The following APPL2 variants were observed in gnomAD, a reference collection of about 807,000 sequenced individuals.
APPL2 encodes the protein adaptor protein, phosphotyrosine interacting with PH domain and leucine zipper 2.
APPL2 carries 84 observed loss-of-function variants against 92.7 expected under a neutral mutation model. The observed-to-expected ratio is 0.91, with a 90% confidence interval of 0.76 to 1.09. The LOEUF is 1.09. Ranked by LOEUF, APPL2 falls within the 50% of genes least tolerant of loss-of-function variation. The pLI, the probability that APPL2 is intolerant of heterozygous loss-of-function variation, is 0.00. For synonymous variants in APPL2, 291 were observed against 291.0 expected, an observed-to-expected ratio of 1.00 and a Z score of 0.00; for missense variants, 736 against 824.5, an observed-to-expected ratio of 0.89 and a Z score of 1.31.
chr12:105,218,627 G>A (rs892252108), intron 2 of APPL2, among the ~76,000 whole-genome samples: 4 of 152,310 alleles, frequency 2.6e-5, no homozygotes, highest in Non-Finnish European at 5.9e-5. Context: ...AGAGCTGTGC[G>A]CTTGGAGGTG....
intron 4 of APPL2, among the ~76,000 whole-genome samples, chr12:105,213,851 G>T (rs1889420461): frequency 1.3e-5 from 2 of 152,154 alleles, no homozygotes. Flanking sequence ...AAAACTCCTT[G>T]CAGAGCTAAC....
At chr12:105,182,951 A>G (rs1173381058) in intron 17 of APPL2, among the ~76,000 whole-genome samples, 1 of 151,594 alleles carries the variant, frequency 6.6e-6, no homozygotes, top group Non-Finnish European at 1.5e-5. Context: ...TTGGGTATAT[A>G]TATATTTAGG....
At chr12:105,200,848 GTATGTATGTATGTATGTATC>G (rs1212850076) in intron 9 of APPL2, among the ~76,000 whole-genome samples, 3 of 130,238 alleles carry the variant, frequency 2.3e-5, no homozygotes, top group African/African-American at 9.5e-5. Context: ...ATGTATGTAT[GTATGTATGTATGTATGTATC>G]TATCTATCTA....
chr12:105,212,043 C>T lies in APPL2; in HGVS notation c.286-726G>A, dbSNP rs571893220. 1.1e-4 allele frequency among the ~76,000 whole-genome samples: 15 copies of T among 132,948 alleles called. 1 individual carries two copies. The highest frequency in any genetic ancestry group is 1.0e-3 in the Admixed American group (11 of 11,008). 87.2% of individuals were successfully genotyped at this position (132,948 alleles called of 152,430 possible). A position where few individuals can be genotyped will look rare whatever the true frequency, so the allele number is the denominator to read the frequency against. On this transcript the variant is annotated intron_variant, in intron 4 of 20. Coordinates refer to ENST00000258530, the MANE Select transcript of APPL2 (RefSeq NM_018171.5). ...CTGAGGCAGGAGAATGGTGTGAACC[C>T]GGGAGGTGGAGCTTGCAGTGAGCCG...
In APPL2 at chr12:105,199,371, A is replaced by C. The variant is rs551405343; in HGVS notation, c.863+2T>G. The stretch of plus-strand genomic sequence containing the variant: ...AAAAGAGGCAGACGGTGGCGTTCTC[A>C]CTTTCTAAGATTAAGGTAACCAGCC... On this transcript the variant is annotated splice_donor_variant, in intron 10 of 20. Coordinates refer to ENST00000258530, the MANE Select transcript of APPL2 (RefSeq NM_018171.5). LOFTEE classifies it high-confidence loss of function. 1.2e-6 allele frequency: 2 copies of C among 1,607,040 alleles called. No homozygotes were observed. Among genetic ancestry groups the C allele is most frequent in the Non-Finnish European group, 8.5e-7 (1 of 1,176,896 alleles).
intron 17 of APPL2, among the ~76,000 whole-genome samples, chr12:105,184,694 C>T (rs1456364463): frequency 3.3e-5 from 5 of 152,216 alleles, no homozygotes. Flanking sequence ...TCTGTCGATT[C>T]CTGCTGGGAG....
intron 1 of APPL2, among the ~76,000 whole-genome samples, chr12:105,232,632 T>C (rs775976742): frequency 5.3e-4 from 80 of 151,974 alleles, no homozygotes; most frequent in Non-Finnish European, 9.7e-4. Flanking sequence ...TGCGTGGTGA[T>C]GCATGCCTGT....
intron 20 of APPL2, 101 bp downstream of exon 20, chr12:105,175,934 A>G: frequency 8.2e-7 from 1 of 1,216,094 alleles, no homozygotes. Flanking sequence ...ACTTGGCCAC[A>G]CTTTCCAGTG....
chr12:105,201,868 AC>A (rs1379296244), intron 9 of APPL2, among the ~76,000 whole-genome samples: 2 of 152,064 alleles, frequency 1.3e-5, no homozygotes, highest in Non-Finnish European at 2.9e-5. Flanking sequence ...CTGGATTCCC[AC>A]CACTGGGTTC....
At position 105,174,458 on chromosome 12, in the gene APPL2, G is replaced by A. The variant is rs2135864824; in HGVS notation, c.1861-10C>T. 1.2e-6 allele frequency: 2 copies of A among 1,609,824 alleles called. No individual in the cohort carries two copies. The highest frequency in any genetic ancestry group is 2.2e-5 in the East Asian group (1 of 44,568). On this transcript the variant is annotated splice_polypyrimidine_tract_variant and intron_variant, in intron 20 of 20. Coordinates refer to ENST00000258530, the MANE Select transcript of APPL2 (RefSeq NM_018171.5). ...CCAGTGCTTCTGGATCCTGAAGTTA[G>A]GAGAGTTTAAAAGGGAAAAAAGAAA...
chr12:105,198,180 C>T (rs189218942), intron 10 of APPL2, among the ~76,000 whole-genome samples: 2 of 152,260 alleles, frequency 1.3e-5, no homozygotes, highest in Admixed American at 6.5e-5. Context: ...ACACCAGTCC[C>T]AGGGCCGACT....
chr12:105,177,372 G>C lies in APPL2; in HGVS notation c.1635-110C>G, dbSNP rs892083788. 1.0e-5 allele frequency: 12 copies of C among 1,181,918 alleles called. No homozygotes were observed. In the African/African-American group the frequency reaches 1.8e-4, roughly 18 times the overall value. The allele number at this position is 1,181,918 out of a possible 1,614,324, so 73.2% of individuals were successfully genotyped here. ...ACAAATTCCCCGAAATAGAGATAAA[G>C]CCTGTTAGAGGGTGAGGCGAGATAG... On this transcript the variant is annotated intron_variant, in intron 17 of 20. Transcript: ENST00000258530.
chr12:105,207,939 G>A, intron 7 of APPL2, 32 bp downstream of exon 7: 1 of 1,586,810 alleles, frequency 6.3e-7, no homozygotes, highest in Non-Finnish European at 8.7e-7. Context: ...TTATGTAAAT[G>A]AAGTGAAAAA....
At chr12:105,176,275 T>C (rs1885537863) in intron 19 of APPL2, 193 bp from the exon 20 acceptor site, 1 of 559,106 alleles carries the variant, frequency 1.8e-6, no homozygotes, top group Non-Finnish European at 3.1e-6. Flanking sequence ...CTGTTGCCAA[T>C]TTATGCCACA....
At chr12:105,198,788 A>C (rs796805149) in intron 10 of APPL2, among the ~76,000 whole-genome samples, 1 of 152,230 alleles carries the variant, frequency 6.6e-6, no homozygotes. Context: ...ACAGATGAAG[A>C]GATCAAGGCT....
At chr12:105,217,272 C>T in intron 3 of APPL2, 132 bp from the exon 4 acceptor site, 2 of 619,644 alleles carry the variant, frequency 3.2e-6, no homozygotes, top group East Asian at 5.6e-5. Flanking sequence ...TCAGAAGTGT[C>T]TACCTGAAGA....
chr12:105,190,250 C>G, intron 14 of APPL2, 95 bp from the exon 15 acceptor site: 1 of 1,332,720 alleles, frequency 7.5e-7, no homozygotes, highest in Non-Finnish European at 1.0e-6. Flanking sequence ...AATGAAAATA[C>G]AAGGGGAAAG....
At chr12:105,208,566 G>A (rs184068291) in intron 5 of APPL2, among the ~76,000 whole-genome samples, 19 of 152,302 alleles carry the variant, frequency 1.2e-4, no homozygotes, top group Non-Finnish European at 2.2e-4. Context: ...CAGATAGAGT[G>A]TCTTAATACA....
intron 17 of APPL2, among the ~76,000 whole-genome samples, chr12:105,180,640 C>A (rs2055419935): frequency 1.3e-5 from 2 of 152,168 alleles, no homozygotes; most frequent in South Asian, 4.1e-4. Context: ...CTCTTATTTC[C>A]TTGAGCAGTG....
Sources: allele counts gnomAD v4.1 joint callset (sites outside exome capture counted in the v4.1 genomes callset), GRCh38; gene constraint gnomAD v4.1.1; transcripts MANE v1.5; gene names NCBI Gene and HGNC (gene_info 2026-07-23, HGNC 2026-07-21).